DAB1: variants seen among roughly 807,000 people sequenced by gnomAD.
The protein encoded by DAB1 is disabled homolog 1.
In DAB1, 15 loss-of-function variants were observed where a neutral mutation model predicts 64.6. The ratio of observed to expected loss-of-function variants is 0.23; its 90% confidence interval spans 0.16 to 0.36. The LOEUF (loss-of-function observed/expected upper bound fraction) is 0.36. DAB1 is among the 10% of genes least tolerant of loss of function. The pLI, the probability that DAB1 is intolerant of heterozygous loss-of-function variation, is 1.00. For synonymous variants in DAB1, 235 were observed against 251.9 expected (o/e 0.93, Z 0.64); for missense variants, 596 against 706.7 (o/e 0.84, Z 1.78).
rs140812737 is a variant in DAB1 at position 58,459,557 on chromosome 1, A to G, written n.257+46503T>C. 1.9e-4 allele frequency among the ~76,000 whole-genome samples: 29 copies of G among 152,400 alleles called. No homozygotes were observed. In the East Asian group the frequency reaches 5.4e-3, roughly 28 times the overall value. Reference sequence around the variant, plus strand: ...GGCCTTTCCAAGGGCAAGAGGCCCAAAGGAGAAAGAAAGAAAAAGAGAGGG... The same window carrying G: ...GGCCTTTCCAAGGGCAAGAGGCCCAGAGGAGAAAGAAAGAAAAAGAGAGGG... On this transcript the variant is annotated intron_variant and non_coding_transcript_variant, in intron 3 of 20. Coordinates refer to the DAB1 transcript ENST00000485760.
At chr1:57,097,086 G>A (rs187675159) in intron 4 of DAB1, among the ~76,000 whole-genome samples, 2 of 152,250 alleles carry the variant, frequency 1.3e-5, no homozygotes, top group East Asian at 3.9e-4. Flanking sequence ...AATGAGTGTT[G>A]CTAAACAAAT....
intron 3 of DAB1, among the ~76,000 whole-genome samples, chr1:58,452,752 C>T (rs368248169): frequency 1.3e-5 from 2 of 151,344 alleles, no homozygotes; most frequent in Non-Finnish European, 2.9e-5. Flanking sequence ...CACTTGAACC[C>T]GGGAGGTGGA....
chr1:57,969,078 A>T (rs1197503680), intron 5 of DAB1, among the ~76,000 whole-genome samples: 3 of 152,182 alleles, frequency 2.0e-5, no homozygotes, highest in Non-Finnish European at 4.4e-5. Flanking sequence ...TGGTTACGTG[A>T]TCACCATAAG....
intron 5 of DAB1, among the ~76,000 whole-genome samples, chr1:58,117,554 C>T (rs533672675): frequency 3.9e-5 from 6 of 152,300 alleles, no homozygotes; most frequent in South Asian, 4.1e-4. Flanking sequence ...AATGATCTGA[C>T]GCTTCATTGC....
chr1:57,996,249 A>G (rs1646423704), intron 5 of DAB1, among the ~76,000 whole-genome samples: 1 of 152,170 alleles, frequency 6.6e-6, no homozygotes, highest in Non-Finnish European at 1.5e-5. Context: ...ACAGAGTGAG[A>G]CTTTGTCTCA....
At chr1:58,399,790 T>A (rs1359390688) in intron 3 of DAB1, among the ~76,000 whole-genome samples, 1 of 152,110 alleles carries the variant, frequency 6.6e-6, no homozygotes, top group African/African-American at 2.4e-5. Context: ...GAAGGGGAAA[T>A]GGAGGCTCAA....
chr1:58,383,259 G>T (rs551782993), intron 3 of DAB1, among the ~76,000 whole-genome samples: 12 of 152,298 alleles, frequency 7.9e-5, no homozygotes, highest in Admixed American at 2.0e-4. Context: ...TATAGTAAGT[G>T]CATGACAGAG....
rs1644916183 is a variant in DAB1 at position 57,928,854 on chromosome 1, T to TGAAG, written n.388-44696_388-44693dup. On this transcript the variant is annotated intron_variant and non_coding_transcript_variant, in intron 5 of 20. Transcript: ENST00000485760. Reference sequence around the variant, plus strand: ...CACAGATTTTTATTCATTCACCAACTGAAGGACATCTTGGTTGCAATTAGG... The same window carrying TGAAG: ...CACAGATTTTTATTCATTCACCAACTGAAGGAAGGACATCTTGGTTGCAATTAGG... Among the ~76,000 whole-genome samples, 4 of 152,228 alleles carry TGAAG rather than the reference T, an allele frequency of 2.6e-5. No homozygotes were observed. In the South Asian group the frequency reaches 8.3e-4, roughly 31 times the overall value.
intron 7 of DAB1, among the ~76,000 whole-genome samples, chr1:57,563,337 C>T (rs974243124): frequency 8.5e-5 from 13 of 152,154 alleles, no homozygotes; most frequent in African/African-American, 2.4e-4. Flanking sequence ...ATAGGAACAG[C>T]GCCAGTCTAC....
At chr1:58,232,887 C>T (rs560541072) in intron 4 of DAB1, among the ~76,000 whole-genome samples, 77 of 152,190 alleles carry the variant, frequency 5.1e-4, no homozygotes, top group Non-Finnish European at 6.6e-4. Flanking sequence ...CCCTGCTTTT[C>T]TCTCTTCCCA....
At chr1:57,713,043 C>T (rs716417) in intron 6 of DAB1, among the ~76,000 whole-genome samples, 44,846 of 151,980 alleles carry the variant, frequency 0.3, 6,830 homozygotes, top group East Asian at 0.45. Flanking sequence ...GGCTCCAGGG[C>T]CTCTAATCTG....
intron 4 of DAB1, among the ~76,000 whole-genome samples, chr1:58,287,972 A>T (rs1661726166): frequency 6.7e-6 from 1 of 148,254 alleles, no homozygotes; most frequent in Non-Finnish European, 1.5e-5. Flanking sequence ...CAGTGAGCTG[A>T]GATCACACCA....
intron 5 of DAB1, among the ~76,000 whole-genome samples, chr1:57,950,887 C>T (rs1645263073): frequency 6.6e-6 from 1 of 152,160 alleles, no homozygotes; most frequent in South Asian, 2.1e-4. Context: ...TCCCTGAGGA[C>T]AAGTCCTTTG....
At chr1:58,260,104 G>T (rs919836422) in intron 4 of DAB1, among the ~76,000 whole-genome samples, 1 of 152,054 alleles carries the variant, frequency 6.6e-6, no homozygotes, top group African/African-American at 2.4e-5. Context: ...AATCCACATG[G>T]CATTCCCTAA....
intron 2 of DAB1, among the ~76,000 whole-genome samples, chr1:57,254,608 C>T (rs197650): frequency 0.6 from 90,286 of 151,496 alleles, 27,026 homozygotes; most frequent in Admixed American, 0.68. Context: ...CACAAAGATG[C>T]GTATGTACCA....
intron 7 of DAB1, among the ~76,000 whole-genome samples, chr1:57,620,297 T>G (rs1645840774): frequency 6.6e-6 from 1 of 152,092 alleles, no homozygotes; most frequent in Non-Finnish European, 1.5e-5. Flanking sequence ...TAACCTATTC[T>G]CTTACATAGG....
At chr1:58,093,472 T>C (rs1459811682) in intron 5 of DAB1, among the ~76,000 whole-genome samples, 1 of 151,942 alleles carries the variant, frequency 6.6e-6, no homozygotes, top group Non-Finnish European at 1.5e-5. Context: ...TAGATTCTCA[T>C]AGGTGCATGA....
intron 4 of DAB1, among the ~76,000 whole-genome samples, chr1:57,106,026 C>T (rs554335614): frequency 4.6e-5 from 7 of 152,208 alleles, no homozygotes; most frequent in African/African-American, 1.4e-4. Context: ...CTCGGGATCC[C>T]GATCTGTCAA....
At chr1:58,214,113 T>C (rs1658713249) in intron 4 of DAB1, among the ~76,000 whole-genome samples, 2 of 152,184 alleles carry the variant, frequency 1.3e-5, no homozygotes, top group Admixed American at 1.3e-4. Context: ...TGATTGCCTT[T>C]CCACCCTTAT....
Sources: gnomAD v4.1 joint callset for allele counts (sites outside exome capture counted in the v4.1 genomes callset) on GRCh38, gnomAD v4.1.1 for gene constraint, MANE v1.5 for transcripts, NCBI Gene and HGNC (gene_info 2026-07-23, HGNC 2026-07-21) for gene names.